Variants in PSD3 observed in about 807,000 individuals in gnomAD.
The protein encoded by PSD3 is pleckstrin and Sec7 domain containing 3, also known as PH and SEC7 domain-containing protein 3.
PSD3 carries 49 observed loss-of-function variants against 105.5 expected under a neutral mutation model. The ratio of observed to expected loss-of-function variants is 0.46; its 90% CI spans 0.37 to 0.59. PSD3 has a LOEUF of 0.59. Ranked by LOEUF, PSD3 falls within the 20% of genes least tolerant of loss-of-function variation. The probability of loss-of-function intolerance (pLI) is 0.00; values close to 1 mark genes in which losing one functional copy is unlikely to be tolerated. For synonymous variants in PSD3, 557 were observed against 457.8 expected, an observed-to-expected ratio of 1.22 and a Z score of -2.77; for missense variants, 1,561 against 1,263.8, an observed-to-expected ratio of 1.24 and a Z score of -3.57.
intron 9 of PSD3, among the ~76,000 whole-genome samples, chr8:18,754,234 A>C (rs77771213): frequency 0.018 from 2,683 of 152,134 alleles, 137 homozygotes; most frequent in East Asian, 0.17. Flanking sequence ...AAATACAAAA[A>C]TTAGGAGGGC....
At chr8:18,946,545 C>T (rs1822866021) in intron 1 of PSD3, among the ~76,000 whole-genome samples, 4 of 147,356 alleles carry the variant, frequency 2.7e-5, no homozygotes, top group South Asian at 4.4e-4. Flanking sequence ...TGTGCCACTG[C>T]ACTCCAGCCT....
chr8:18,673,362 G>A lies in PSD3; in HGVS notation c.2173-17677C>T, dbSNP rs142703902. Among the ~76,000 whole-genome samples the A allele has an allele frequency of 3.6e-3, 552 of 152,190 alleles. 3 individuals are homozygous for A. Among genetic ancestry groups the A allele is most frequent in the African/African-American group, 0.013 (527 of 41,526 alleles). ...TTCATGGGGCAGAACACTAGGCTACGTTTCCATTTTTTGTAAGATTTTTGA... is the reference window on the plus strand; with the variant it reads ...TTCATGGGGCAGAACACTAGGCTACATTTCCATTTTTTGTAAGATTTTTGA... On this transcript the variant is annotated intron_variant, in intron 9 of 15. Coordinates refer to ENST00000327040, the MANE Select transcript of PSD3 (RefSeq NM_015310.4).
chr8:18,831,196 A>C (rs1162383838), intron 4 of PSD3, among the ~76,000 whole-genome samples: 1 of 151,162 alleles, frequency 6.6e-6, no homozygotes, highest in Non-Finnish European at 1.5e-5. Flanking sequence ...GCATGACCTC[A>C]ATCAAGTCAC....
In PSD3 at chr8:18,879,070, A is replaced by G. The variant is rs1471991210; in HGVS notation, c.131-6337T>C. ...CACACAAACACACACACACACACAC[A>G]CACACACACACACACACGCACACAC... On this transcript the variant is annotated intron_variant, in intron 2 of 15. Coordinates refer to ENST00000327040, the MANE Select transcript of PSD3 (RefSeq NM_015310.4). Among the ~76,000 whole-genome samples the G allele has an allele frequency of 1.4e-3, 211 of 151,072 alleles. No homozygotes were observed. In the East Asian group the frequency reaches 0.019, roughly 14 times the overall value.
At chr8:18,895,177 C>T (rs1266885230) in intron 2 of PSD3, among the ~76,000 whole-genome samples, 1 of 152,230 alleles carries the variant, frequency 6.6e-6, no homozygotes, top group Non-Finnish European at 1.5e-5. Flanking sequence ...CACCTATCAT[C>T]CCCTGGAAAG....
chr8:19,065,026 C>CA (rs575987810), intron 1 of PSD3, among the ~76,000 whole-genome samples: 3 of 151,896 alleles, frequency 2.0e-5, no homozygotes, highest in South Asian at 2.1e-4. Flanking sequence ...GCTAGTTTTC[C>CA]AAAAAAACCA....
chr8:18,697,866 T>C (rs1295256434), intron 9 of PSD3, among the ~76,000 whole-genome samples: 1 of 152,238 alleles, frequency 6.6e-6, no homozygotes, highest in Admixed American at 6.5e-5. Context: ...AAAAATCCAT[T>C]TCATCGTTGC....
At chr8:18,606,361 G>C (rs969029677) in intron 11 of PSD3, among the ~76,000 whole-genome samples, 5 of 151,992 alleles carry the variant, frequency 3.3e-5, no homozygotes, top group African/African-American at 1.2e-4. Flanking sequence ...GCATCCCCAG[G>C]GTTGGCCACC....
intron 2 of PSD3, among the ~76,000 whole-genome samples, chr8:18,897,090 A>G (rs373228218): frequency 6.6e-6 from 1 of 152,250 alleles, no homozygotes; most frequent in Non-Finnish European, 1.5e-5. Flanking sequence ...TACAGGCGTG[A>G]GCCACCGTGC....
At chr8:18,698,582 G>C (rs1325460162) in intron 9 of PSD3, among the ~76,000 whole-genome samples, 3 of 152,092 alleles carry the variant, frequency 2.0e-5, no homozygotes. Context: ...TTCTCCCCTC[G>C]AGCCTCCAGA....
chr8:19,075,011 T>C (rs566548462), intron 1 of PSD3, among the ~76,000 whole-genome samples: 7 of 151,632 alleles, frequency 4.6e-5, no homozygotes, highest in Non-Finnish European at 8.8e-5. Context: ...AGTGGTGCAG[T>C]CTCAGCTCAC....
intron 15 of PSD3, among the ~76,000 whole-genome samples, chr8:18,544,171 C>CAAAAAAAAAAAA (rs201016537): frequency 1.9e-4 from 20 of 106,710 alleles, no homozygotes; most frequent in East Asian, 5.8e-4. Flanking sequence ...AGAAACAAAC[C>CAAAAAAAAAAAA]AAAAAAAAAA....
rs1485404107 is a variant in PSD3, at chr8:18,828,139, A to T, written c.1635-23241T>A. On this transcript the variant is annotated intron_variant, in intron 4 of 15. Coordinates refer to ENST00000327040, the MANE Select transcript of PSD3 (RefSeq NM_015310.4). ...AATTGCATAATTAAAAGTTGCAGGCAGCAGAGCTACAAGCTATGTCCTCTG... is the reference window on the plus strand; with the variant it reads ...AATTGCATAATTAAAAGTTGCAGGCTGCAGAGCTACAAGCTATGTCCTCTG... Among the ~76,000 whole-genome samples, 7 of 150,100 alleles carry T rather than the reference A, an allele frequency of 4.7e-5. No homozygotes were observed. In the Middle Eastern group the frequency reaches 0.01, roughly 225 times the overall value.
chr8:18,802,506 A>C (rs2632846), intron 6 of PSD3, among the ~76,000 whole-genome samples: 41,510 of 152,134 alleles, frequency 0.27, 5,932 homozygotes, highest in South Asian at 0.38. Context: ...TATATTGACA[A>C]AACTTTAATT....
intron 2 of PSD3, among the ~76,000 whole-genome samples, chr8:18,923,685 T>TAAGTATATTTTATGATGTTTGCAC (rs770078205): frequency 1.5e-4 from 23 of 152,182 alleles, no homozygotes; most frequent in Non-Finnish European, 2.4e-4. Context: ...TAGGTTTGCG[T>TAAGTATATTTTATGATGTTTGCAC]AAGTACATTT....
rs564091301 is a variant in PSD3, at chr8:18,856,232, T to G, written c.1634+11442A>C. On this transcript the variant is annotated intron_variant, in intron 4 of 15. Coordinates refer to ENST00000327040, the MANE Select transcript of PSD3 (RefSeq NM_015310.4). ...TCCCACGATGCAAGTAACCCCCAAC[T>G]CAGAACCATGAAGCCTGGCTCTCTG... Among the ~76,000 whole-genome samples the G allele has an allele frequency of 2.6e-5, 4 of 152,266 alleles. No individual in the cohort carries two copies. The East Asian group carries it at 7.7e-4, about 29-fold the overall frequency.
intron 1 of PSD3, among the ~76,000 whole-genome samples, chr8:19,079,018 C>A (rs1395345216): frequency 6.6e-6 from 1 of 151,966 alleles, no homozygotes; most frequent in Non-Finnish European, 1.5e-5. Context: ...TAAAGGTGTC[C>A]TTGCACTCTT....
intron 1 of PSD3, among the ~76,000 whole-genome samples, chr8:19,020,673 T>C (rs1827335411): frequency 1.3e-5 from 2 of 151,986 alleles, no homozygotes; most frequent in South Asian, 4.2e-4. Flanking sequence ...CAGGAGATGA[T>C]GGTGGCTTGG....
At chr8:18,780,511 T>G (rs1384237073) in intron 8 of PSD3, among the ~76,000 whole-genome samples, 1 of 152,150 alleles carries the variant, frequency 6.6e-6, no homozygotes, top group Non-Finnish European at 1.5e-5. Flanking sequence ...TCATTGTGGT[T>G]TGCTGGTTTT....
Sources: gnomAD v4.1 joint callset for allele counts (sites outside exome capture counted in the v4.1 genomes callset) on GRCh38, gnomAD v4.1.1 for gene constraint, MANE v1.5 for transcripts, NCBI Gene and HGNC (gene_info 2026-07-23, HGNC 2026-07-21) for gene names.